SH3RF1: variants seen among roughly 807,000 people sequenced by gnomAD.
The protein encoded by SH3RF1 is SH3 domain containing ring finger 1.
In SH3RF1, 32 loss-of-function variants were observed where a neutral mutation model predicts 74.0. The ratio of observed to expected loss-of-function variants is 0.43; its 90% CI spans 0.33 to 0.58. The LOEUF is 0.58. Among genes scored for constraint, SH3RF1 ranks in the 20% least tolerant of loss-of-function variants. The pLI is 0.05. For missense variants in SH3RF1, 954 were observed against 1,130.9 expected (o/e 0.84, Z 2.24); for synonymous variants, 396 against 439.6 (o/e 0.90, Z 1.24).
At chr4:169,188,321 A>G (rs999175781) in intron 2 of SH3RF1, among the ~76,000 whole-genome samples, 3 of 152,232 alleles carry the variant, frequency 2.0e-5, no homozygotes, top group African/African-American at 4.8e-5. Flanking sequence ...GCAAAGATAC[A>G]TAGTACTAGT....
chr4:169,155,524 T>C lies in SH3RF1; in HGVS notation c.721A>G (p.Met241Val), dbSNP rs1263626577. Reference sequence around the variant, plus strand: ...AATATTCCTATTTTGTCTGCCAGCATTCCTTCAGCCCAGTTTTCATCCACT... The same window carrying C: ...AATATTCCTATTTTGTCTGCCAGCACTCCTTCAGCCCAGTTTTCATCCACT... Reference protein sequence around the residue: ...RRVDENWAEGMLADKIGIFPI... With the variant: ...RRVDENWAEGVLADKIGIFPI... The change falls in exon 4 of 12, where the codon ATG becomes GTG. Residue 241 changes from methionine to valine, a missense_variant. Coordinates refer to ENST00000284637, the MANE Select transcript of SH3RF1 (RefSeq NM_020870.4). 6.2e-7 allele frequency: 1 copy of C among 1,613,636 alleles called. No individual in the cohort carries two copies. Among genetic ancestry groups the C allele is most frequent in the Admixed American group, 1.7e-5 (1 of 60,006 alleles).
chr4:169,115,085 C>T (rs1002666425), intron 10 of SH3RF1, among the ~76,000 whole-genome samples: 4 of 152,120 alleles, frequency 2.6e-5, no homozygotes, highest in African/African-American at 9.7e-5. Flanking sequence ...GTCTCTAAAC[C>T]CAACCATCGG....
At chr4:169,175,767 T>C (rs1734410190) in intron 2 of SH3RF1, among the ~76,000 whole-genome samples, 1 of 152,198 alleles carries the variant, frequency 6.6e-6, no homozygotes, top group African/African-American at 2.4e-5. Flanking sequence ...CCTATATCCA[T>C]ACCTGAGGCA....
chr4:169,101,802 C>T (rs1406552735), intron 11 of SH3RF1, among the ~76,000 whole-genome samples: 3 of 151,814 alleles, frequency 2.0e-5, no homozygotes, highest in Admixed American at 6.6e-5. Flanking sequence ...GCTCACAGAC[C>T]GGTCCCTGAA....
intron 2 of SH3RF1, among the ~76,000 whole-genome samples, chr4:169,191,359 G>A (rs374659148): frequency 7.4e-5 from 11 of 148,424 alleles, no homozygotes; most frequent in African/African-American, 2.5e-4. Flanking sequence ...ACCTCTACCA[G>A]GGAAACTACA....
intron 2 of SH3RF1, among the ~76,000 whole-genome samples, chr4:169,249,222 C>T (rs895131322): frequency 2.0e-5 from 3 of 151,772 alleles, no homozygotes; most frequent in Non-Finnish European, 4.4e-5. Flanking sequence ...AGCGAGACTC[C>T]GTCTCAAAAA....
intron 2 of SH3RF1, among the ~76,000 whole-genome samples, chr4:169,256,790 T>C (rs1212684045): frequency 6.6e-6 from 1 of 151,956 alleles, no homozygotes; most frequent in African/African-American, 2.4e-5. Flanking sequence ...AGAAGGGGGA[T>C]GGGGATCCGA....
At chr4:169,128,447 A>G (rs1733562358) in intron 6 of SH3RF1, among the ~76,000 whole-genome samples, 1 of 152,250 alleles carries the variant, frequency 6.6e-6, no homozygotes, top group Admixed American at 6.5e-5. Context: ...ACAAACAAAC[A>G]AAAAACACCT....
chr4:169,107,311 AT>A, intron 10 of SH3RF1, 106 bp from the exon 11 acceptor site: 1 of 1,057,938 alleles, frequency 9.5e-7, no homozygotes, highest in Non-Finnish European at 1.3e-6. Context: ...TTTAATTTTA[AT>A]TTTTGTGGGT....
chr4:169,153,976 T>G (rs1224527949), intron 4 of SH3RF1, among the ~76,000 whole-genome samples: 1 of 152,150 alleles, frequency 6.6e-6, no homozygotes, highest in Admixed American at 6.6e-5. Flanking sequence ...AAAAATATAG[T>G]AAACCCTTTT....
chr4:169,213,735 T>C (rs1730416032), intron 2 of SH3RF1, among the ~76,000 whole-genome samples: 1 of 152,270 alleles, frequency 6.6e-6, no homozygotes, highest in Non-Finnish European at 1.5e-5. Flanking sequence ...TGCATTTGAA[T>C]GTCCAGTTAC....
At chr4:169,113,041 G>C (rs1733266253) in intron 10 of SH3RF1, among the ~76,000 whole-genome samples, 1 of 152,056 alleles carries the variant, frequency 6.6e-6, no homozygotes, top group Non-Finnish European at 1.5e-5. Flanking sequence ...AATAACCTTT[G>C]ATAATCTGGT....
At chr4:169,120,797 A>C (rs755603909) in intron 8 of SH3RF1, 22 bp downstream of exon 8, 1 of 1,610,886 alleles carries the variant, frequency 6.2e-7, no homozygotes, top group Non-Finnish European at 8.5e-7. Flanking sequence ...GAACATAGTA[A>C]ACAATGTATT....
At chr4:169,241,161 C>T (rs10023536) in intron 2 of SH3RF1, among the ~76,000 whole-genome samples, 68,269 of 152,020 alleles carry the variant, frequency 0.45, 17,263 homozygotes, top group East Asian at 0.78. Flanking sequence ...ACCCAGGAGG[C>T]GGAGATTGCA....
chr4:169,156,732 C>T (rs138352813), intron 2 of SH3RF1, 53 bp from the exon 3 acceptor site: 19,593 of 1,485,194 alleles, frequency 0.013, 150 homozygotes, highest in Non-Finnish European at 0.015. Flanking sequence ...CTTAAAATGT[C>T]TCTGAAAATA....
chr4:169,101,904 A>C (rs1429146342), intron 11 of SH3RF1, among the ~76,000 whole-genome samples: 2 of 152,186 alleles, frequency 1.3e-5, no homozygotes, highest in African/African-American at 4.8e-5. Flanking sequence ...CTTGCAATAT[A>C]AAGAAGCTCC....
At chr4:169,226,129 G>A (rs1398312578) in intron 2 of SH3RF1, among the ~76,000 whole-genome samples, 1 of 152,086 alleles carries the variant, frequency 6.6e-6, no homozygotes, top group East Asian at 1.9e-4. Context: ...CAAATGTTGT[G>A]ACTCATAGTT....
chr4:169,196,915 GTTAA>G (rs1407418824), intron 2 of SH3RF1, among the ~76,000 whole-genome samples: 7 of 152,076 alleles, frequency 4.6e-5, no homozygotes, highest in South Asian at 2.1e-4. Context: ...TTTTAAGTCT[GTTAA>G]TTAGTTTTGC....
At chr4:169,179,344 C>A (rs1460929049) in intron 2 of SH3RF1, among the ~76,000 whole-genome samples, 1 of 152,142 alleles carries the variant, frequency 6.6e-6, no homozygotes, top group Non-Finnish European at 1.5e-5. Flanking sequence ...GCCCTGCCTA[C>A]ACCTTGATTT....
Sources: gnomAD v4.1 joint callset for allele counts (sites outside exome capture counted in the v4.1 genomes callset) on GRCh38, gnomAD v4.1.1 for gene constraint, MANE v1.5 for transcripts, NCBI Gene and HGNC (gene_info 2026-07-23, HGNC 2026-07-21) for gene names.